Variants in RFX7 observed in about 807,000 individuals in gnomAD.
RFX7 encodes the protein DNA-binding protein RFX7.
A neutral mutation model predicts 111.8 loss-of-function variants in RFX7; 26 were observed. The observed-to-expected ratio is 0.23, with a 90% CI of 0.17 to 0.32. The LOEUF (loss-of-function observed/expected upper bound fraction) is 0.32. RFX7 is among the 10% of genes least tolerant of loss of function. The probability of loss-of-function intolerance (pLI) is 1.00; values close to 1 mark genes in which losing one functional copy is unlikely to be tolerated. For missense variants in RFX7, 1,573 were observed against 1,772.9 expected (o/e 0.89, Z 2.02); for synonymous variants, 624 against 624.4 (o/e 1.00, Z 0.01).
intron 3 of RFX7, among the ~76,000 whole-genome samples, chr15:56,150,478 T>C (rs374457828): frequency 1.7e-3 from 257 of 152,274 alleles, no homozygotes; most frequent in South Asian, 3.5e-3. Context: ...GCAGCAATCA[T>C]TGCTGCTCTG....
intron 5 of RFX7, among the ~76,000 whole-genome samples, chr15:56,106,133 C>T (rs890712995): frequency 1.9e-4 from 29 of 152,136 alleles, no homozygotes; most frequent in African/African-American, 6.5e-4. Context: ...TTTAAAAGAG[C>T]TCACGTTCCT....
chr15:56,177,106 A>C (rs1430911917), intron 3 of RFX7, among the ~76,000 whole-genome samples: 1 of 152,114 alleles, frequency 6.6e-6, no homozygotes, highest in Non-Finnish European at 1.5e-5. Flanking sequence ...GCATACTGGG[A>C]TCCTGTATTC....
At position 56,243,102 on chromosome 15, in the gene RFX7, C is replaced by A. The variant is rs753739769; in HGVS notation, c.161+23G>T. 9.6e-6 allele frequency: 13 copies of A among 1,358,798 alleles called. No homozygotes were observed. In the South Asian group the frequency reaches 1.4e-4, roughly 15 times the overall value. 84.2% of individuals were successfully genotyped at this position (1,358,798 alleles called of 1,614,324 possible). A position where few individuals can be genotyped will look rare whatever the true frequency, so the allele number is the denominator to read the frequency against. On this transcript the variant is annotated intron_variant, in intron 2 of 9. Coordinates refer to ENST00000559447, the MANE Select transcript of RFX7 (RefSeq NM_022841.7). ...AGAAATGTGCCTGGGCTTTTTCACG[C>A]GAGCGATGGAGGATCCTCTTACCAG...
At chr15:56,216,199 C>G (rs2043361574) in intron 2 of RFX7, among the ~76,000 whole-genome samples, 1 of 152,086 alleles carries the variant, frequency 6.6e-6, no homozygotes, top group Non-Finnish European at 1.5e-5. Context: ...TTCCTAAGTT[C>G]TGAGTTTGTA....
intron 3 of RFX7, among the ~76,000 whole-genome samples, chr15:56,162,946 A>C (rs1158201083): frequency 6.6e-6 from 1 of 152,174 alleles, no homozygotes; most frequent in Non-Finnish European, 1.5e-5. Flanking sequence ...GATAAATCTT[A>C]CTAACAGTAA....
chr15:56,225,139 G>A (rs2043468250), intron 2 of RFX7, among the ~76,000 whole-genome samples: 1 of 152,156 alleles, frequency 6.6e-6, no homozygotes, highest in Admixed American at 6.5e-5. Flanking sequence ...ATGAACAACT[G>A]TAGTCCAAAA....
At chr15:56,149,669 A>G (rs1422874745) in intron 3 of RFX7, among the ~76,000 whole-genome samples, 3 of 152,158 alleles carry the variant, frequency 2.0e-5, no homozygotes, top group African/African-American at 7.2e-5. Context: ...CAGCACAGAC[A>G]CTGCGCTTGT....
chr15:56,107,296 C>CAA (rs56077181), intron 5 of RFX7, among the ~76,000 whole-genome samples: 6,066 of 32,054 alleles, frequency 0.19, 1,620 homozygotes, highest in East Asian at 0.3. Context: ...GACTCCGTCT[C>CAA]AAAAAAAAAA....
chr15:56,169,963 T>C (rs1180388622), intron 3 of RFX7, among the ~76,000 whole-genome samples: 1 of 152,106 alleles, frequency 6.6e-6, no homozygotes, highest in Non-Finnish European at 1.5e-5. Flanking sequence ...TTATCTTTAC[T>C]TATTGGCAAA....
intron 2 of RFX7, among the ~76,000 whole-genome samples, chr15:56,237,236 G>T (rs1437683819): frequency 3.9e-5 from 6 of 152,140 alleles, no homozygotes; most frequent in African/African-American, 1.4e-4. Context: ...GCATTACCTT[G>T]ACACTTGTCA....
At chr15:56,229,208 G>A (rs1334473190) in intron 2 of RFX7, among the ~76,000 whole-genome samples, 1 of 152,164 alleles carries the variant, frequency 6.6e-6, no homozygotes, top group Non-Finnish European at 1.5e-5. Context: ...TGCAGATAAT[G>A]GGGGACTACC....
intron 3 of RFX7, among the ~76,000 whole-genome samples, chr15:56,166,315 T>C (rs2141098357): frequency 6.6e-6 from 1 of 152,230 alleles, no homozygotes; most frequent in East Asian, 1.9e-4. Context: ...TTATTTAATT[T>C]TACATTAGCC....
At chr15:56,212,201 A>G (rs1159667905) in intron 2 of RFX7, among the ~76,000 whole-genome samples, 2 of 152,196 alleles carry the variant, frequency 1.3e-5, no homozygotes, top group Non-Finnish European at 2.9e-5. Flanking sequence ...AGACATGAAA[A>G]GACATCAAAG....
intron 2 of RFX7, among the ~76,000 whole-genome samples, chr15:56,229,795 G>C (rs756628488): frequency 2.0e-5 from 3 of 152,154 alleles, no homozygotes; most frequent in African/African-American, 7.2e-5. Context: ...TTTTAAAGCT[G>C]AAAGGGTCTT....
chr15:56,195,906 G>A (rs972685761), intron 2 of RFX7, among the ~76,000 whole-genome samples: 3 of 152,084 alleles, frequency 2.0e-5, no homozygotes, highest in African/African-American at 7.2e-5. Context: ...AAGCTCACAC[G>A]TTTTTATGTA....
At chr15:56,125,111 G>A (rs548019034) in intron 5 of RFX7, among the ~76,000 whole-genome samples, 1 of 152,296 alleles carries the variant, frequency 6.6e-6, no homozygotes, top group Admixed American at 6.5e-5. Context: ...TGAAGAGACT[G>A]TCCTTTCCCC....
rs1487343703 is a variant in RFX7, at chr15:56,101,547, G to A, written c.623C>T (p.Ser208Phe). 1 of 1,613,696 alleles carries A rather than the reference G, an allele frequency of 6.2e-7. No individual in the cohort carries two copies. Among genetic ancestry groups the A allele is most frequent in the African/African-American group, 1.3e-5 (1 of 75,012 alleles). Residue 208 changes from serine to phenylalanine, a missense_variant, in exon 8 of 10, where the codon TCT becomes TTT. Coordinates refer to ENST00000559447, the MANE Select transcript of RFX7 (RefSeq NM_022841.7). ...TGDGLEGAEP[S>F]GQLQNIDEEV... ...TTCATCAATATTTTGAAGCTGCCCA[G>A]AAGGTTCAGCTCCTTCCAACTAGGC...
intron 5 of RFX7, among the ~76,000 whole-genome samples, chr15:56,119,791 A>AAAAG (rs1167342337): frequency 1.3e-5 from 2 of 151,354 alleles, no homozygotes; most frequent in East Asian, 1.9e-4. Context: ...AAAAAAAAAA[A>AAAAG]AAAGAAAGAA....
intron 2 of RFX7, among the ~76,000 whole-genome samples, chr15:56,214,754 TAAC>T (rs1456323533): frequency 6.6e-6 from 1 of 151,634 alleles, no homozygotes; most frequent in Non-Finnish European, 1.5e-5. Context: ...AAGTCTTACA[TAAC>T]TATAGCTACA....
Sources: gnomAD v4.1 joint callset for allele counts (sites outside exome capture counted in the v4.1 genomes callset) on GRCh38, gnomAD v4.1.1 for gene constraint, MANE v1.5 for transcripts, NCBI Gene and HGNC (gene_info 2026-07-23, HGNC 2026-07-21) for gene names.